Variants in SMLR1 observed in about 807,000 individuals in gnomAD.
SMLR1 encodes the protein small leucine rich protein 1, also known as small leucine-rich protein 1.
SMLR1 carries 3 observed loss-of-function variants against 6.1 expected under a neutral mutation model. The ratio of observed to expected loss-of-function variants is 0.49; its 90% CI spans 0.22 to 1.28. SMLR1 has a LOEUF of 1.28. Among genes scored for constraint, SMLR1 ranks in the 50% most tolerant of loss-of-function variants. The pLI is 0.19. For missense variants in SMLR1, 126 were observed against 124.8 expected, an observed-to-expected ratio of 1.01 and a Z score of -0.05; for synonymous variants, 55 against 53.6, an observed-to-expected ratio of 1.03 and a Z score of -0.11.
chr6:130,829,880 C>T (rs1774386918), intron 1 of SMLR1, among the ~76,000 whole-genome samples: 1 of 152,172 alleles, frequency 6.6e-6, no homozygotes, highest in African/African-American at 2.4e-5. Context: ...CAGCCTCACA[C>T]GATGAGGGTC....
In SMLR1 at chr6:130,837,031, T is replaced by C. The variant is rs1002456916; in HGVS notation, c.*2076T>C. The C allele has an allele frequency of 1.3e-5, 2 of 152,138 alleles. No homozygotes were observed. Among genetic ancestry groups the C allele is most frequent in the African/African-American group, 4.8e-5 (2 of 41,438 alleles). 9.4% of individuals were successfully genotyped at this position (152,138 alleles called of 1,614,324 possible). A position where few individuals can be genotyped will look rare whatever the true frequency, so the allele number is the denominator to read the frequency against. ...CCCTCAATGGTCTCACTACAACAGTTCCGAATCTTATTCCAAATGCTATAG... is the reference window on the plus strand; with the variant it reads ...CCCTCAATGGTCTCACTACAACAGTCCCGAATCTTATTCCAAATGCTATAG... On this transcript the variant is annotated 3_prime_UTR_variant, in exon 2 of 2. Coordinates refer to ENST00000541421, the MANE Select transcript of SMLR1 (RefSeq NM_001195597.2).
At chr6:130,831,856 T>C (rs749417642) in intron 1 of SMLR1, among the ~76,000 whole-genome samples, 6 of 152,194 alleles carry the variant, frequency 3.9e-5, no homozygotes, top group Non-Finnish European at 5.9e-5. Flanking sequence ...TAAGATGTGA[T>C]GGAAAGCATG....
rs188955271 is a variant in SMLR1 at position 130,836,762 on chromosome 6, C to T, written c.*1807C>T. The T allele has an allele frequency of 6.6e-5, 10 of 152,290 alleles. No homozygotes were observed. Among genetic ancestry groups the T allele is most frequent in the East Asian group, 3.9e-4 (2 of 5,194 alleles). The allele number at this position is 152,290 out of a possible 1,614,324, so 9.4% of individuals were successfully genotyped here. On this transcript the variant is annotated 3_prime_UTR_variant, in exon 2 of 2. Coordinates refer to ENST00000541421, the MANE Select transcript of SMLR1 (RefSeq NM_001195597.2). ...ATCATCTGCCTGAAGGCACTGCTAA[C>T]GAATTTGTCAAATCCTTTATCCAGC... is the stretch of plus-strand genomic sequence containing the variant.
In SMLR1 at chr6:130,827,505, T is replaced by C. The variant is rs1335278515; in HGVS notation, c.92T>C (p.Val31Ala). 6.5e-7 allele frequency: 1 copy of C among 1,535,842 alleles called. No homozygotes were observed. Among genetic ancestry groups the C allele is most frequent in the Admixed American group, 2.0e-5 (1 of 50,968 alleles). ...CTGAGTGTGACTCCCATGGTCCCCG[T>C]GGGGTCTGTGTGGTTGGCAATGAGC... ...LVLSVTPMVP[V>A]GSVWLAMSSV... Residue 31 changes from valine to alanine, a missense_variant, in exon 1 of 2, where the codon GTG becomes GCG. Coordinates refer to ENST00000541421, the MANE Select transcript of SMLR1 (RefSeq NM_001195597.2).
rs941348162 is a variant in SMLR1 at position 130,836,337 on chromosome 6, C to G, written c.*1382C>G. On this transcript the variant is annotated 3_prime_UTR_variant, in exon 2 of 2. Transcript: ENST00000541421. Reference sequence around the variant, plus strand: ...TTTTGGGAGAGATCTCTTTTTAGCCCCTGGGGGAAATCAGCTTATGTAAAA... The same window carrying G: ...TTTTGGGAGAGATCTCTTTTTAGCCGCTGGGGGAAATCAGCTTATGTAAAA... 27 of 152,040 alleles carry G rather than the reference C, an allele frequency of 1.8e-4. No individual in the cohort carries two copies. Among genetic ancestry groups the G allele is most frequent in the Admixed American group, 1.0e-3 (16 of 15,268 alleles). 9.4% of individuals were successfully genotyped at this position (152,040 alleles called of 1,614,324 possible). A position where few individuals can be genotyped will look rare whatever the true frequency, so the allele number is the denominator to read the frequency against.
intron 1 of SMLR1, among the ~76,000 whole-genome samples, chr6:130,832,009 C>A (rs995581128): frequency 4.3e-4 from 65 of 152,294 alleles, no homozygotes; most frequent in Non-Finnish European, 3.2e-4. Flanking sequence ...CCGCACTCTT[C>A]AATCTGTGTC....
In SMLR1 at chr6:130,827,625, C is replaced by T. The variant is rs1170124707; in HGVS notation, c.212C>T (p.Ala71Val). ...ACTTTGCTGCTGCTCCTCCTCATCG[C>T]CTACTTCAGGATCAAACTGATTGAG... ...PVTLLLLLLI[A>V]YFRIKLIEVN... Residue 71 changes from alanine (A) to valine (V), a missense_variant, in exon 1 of 2, where the codon GCC becomes GTC. Physicochemically the swap from Ala to Val is moderately conservative, Grantham distance 64. Coordinates refer to ENST00000541421, the MANE Select transcript of SMLR1 (RefSeq NM_001195597.2). 6.5e-7 allele frequency: 1 copy of T among 1,535,960 alleles called. No individual in the cohort carries two copies. Among genetic ancestry groups the T allele is most frequent in the Non-Finnish European group, 8.7e-7 (1 of 1,146,812 alleles).
At chr6:130,832,374 G>A (rs1001440586) in intron 1 of SMLR1, among the ~76,000 whole-genome samples, 10 of 152,104 alleles carry the variant, frequency 6.6e-5, no homozygotes, top group Non-Finnish European at 8.8e-5. Context: ...CTTCAGCAAC[G>A]CACATCCTAA....
At chr6:130,831,748 A>G (rs1261864232) in intron 1 of SMLR1, among the ~76,000 whole-genome samples, 4 of 152,220 alleles carry the variant, frequency 2.6e-5, no homozygotes, top group Non-Finnish European at 5.9e-5. Flanking sequence ...TGATAGATTA[A>G]CTGGCATGTT....
chr6:130,834,346 T>C (rs564582701), intron 1 of SMLR1, among the ~76,000 whole-genome samples: 211 of 152,234 alleles, frequency 1.4e-3, no homozygotes, highest in Non-Finnish European at 2.6e-3. Context: ...GATTCAGTAA[T>C]TCGATGGCAT....
At chr6:130,833,858 G>GAC (rs1345246670) in intron 1 of SMLR1, among the ~76,000 whole-genome samples, 1 of 152,144 alleles carries the variant, frequency 6.6e-6, no homozygotes, top group Non-Finnish European at 1.5e-5. Flanking sequence ...CCTGGTCAGG[G>GAC]AAAGTGCATG....
At chr6:130,829,079 G>A (rs1240575508) in intron 1 of SMLR1, among the ~76,000 whole-genome samples, 2 of 152,132 alleles carry the variant, frequency 1.3e-5, no homozygotes, top group Non-Finnish European at 2.9e-5. Flanking sequence ...ACAATAAAAC[G>A]ATGCTGATGT....
In SMLR1 at chr6:130,835,402, G is replaced by A. The variant is rs2128385067; in HGVS notation, c.*447G>A. The A allele has an allele frequency of 6.5e-6, 1 of 154,758 alleles. No individual in the cohort carries two copies. The highest frequency in any genetic ancestry group is 1.4e-5 in the Non-Finnish European group (1 of 69,540). 9.6% of individuals were successfully genotyped at this position (154,758 alleles called of 1,614,324 possible). Reference sequence around the variant, plus strand: ...GGAGAGAGCTCAGTAGATTCCATATGCAAGAATATTTCCACGTTCTTCTTG... The same window carrying A: ...GGAGAGAGCTCAGTAGATTCCATATACAAGAATATTTCCACGTTCTTCTTG... On this transcript the variant is annotated 3_prime_UTR_variant, in exon 2 of 2. Coordinates refer to ENST00000541421, the MANE Select transcript of SMLR1 (RefSeq NM_001195597.2).
At chr6:130,831,597 T>C (rs1309276680) in intron 1 of SMLR1, among the ~76,000 whole-genome samples, 4 of 152,190 alleles carry the variant, frequency 2.6e-5, no homozygotes, top group African/African-American at 9.6e-5. Context: ...CGAAATAAAA[T>C]ATCACCAGTT....
At chr6:130,828,156 C>T (rs1158882941) in intron 1 of SMLR1, among the ~76,000 whole-genome samples, 1 of 152,124 alleles carries the variant, frequency 6.6e-6, no homozygotes, top group Middle Eastern at 3.2e-3. Flanking sequence ...AAATGTAAAG[C>T]CCTGATAGAT....
In SMLR1 at chr6:130,835,863, C is replaced by T. The variant is rs1472284864; in HGVS notation, c.*908C>T. The T allele has an allele frequency of 6.6e-6, 1 of 152,166 alleles. No homozygotes were observed. The highest frequency in any genetic ancestry group is 1.5e-5 in the Non-Finnish European group (1 of 68,032). 9.4% of individuals were successfully genotyped at this position (152,166 alleles called of 1,614,324 possible). A position where few individuals can be genotyped will look rare whatever the true frequency, so the allele number is the denominator to read the frequency against. On this transcript the variant is annotated 3_prime_UTR_variant, in exon 2 of 2. Coordinates refer to ENST00000541421, the MANE Select transcript of SMLR1 (RefSeq NM_001195597.2). ...TTACTGTTGTGCTCCCCACATTCTT[C>T]CAGTTAACATAAATCAAAGATGTTC... is the stretch of plus-strand genomic sequence containing the variant.
intron 1 of SMLR1, among the ~76,000 whole-genome samples, chr6:130,828,920 GGAAGA>G (rs1439200682): frequency 6.6e-6 from 1 of 152,154 alleles, no homozygotes; most frequent in Non-Finnish European, 1.5e-5. Context: ...CCTCCAAAAA[GGAAGA>G]GAAAATAAGA....
intron 1 of SMLR1, among the ~76,000 whole-genome samples, chr6:130,831,888 A>G (rs1774460529): frequency 6.6e-6 from 1 of 152,232 alleles, no homozygotes; most frequent in African/African-American, 2.4e-5. Context: ...TAATCACTCA[A>G]CATTAATCCC....
intron 1 of SMLR1, among the ~76,000 whole-genome samples, chr6:130,831,111 T>G (rs1184806494): frequency 6.6e-6 from 1 of 152,228 alleles, no homozygotes; most frequent in Non-Finnish European, 1.5e-5. Flanking sequence ...AAGGACAGCA[T>G]AGCTGAGTGG....
Sources: allele counts gnomAD v4.1 joint callset (sites outside exome capture counted in the v4.1 genomes callset), GRCh38; gene constraint gnomAD v4.1.1; transcripts MANE v1.5; gene names NCBI Gene and HGNC (gene_info 2026-07-23, HGNC 2026-07-21).